RIMBP2: variants seen among roughly 807,000 people sequenced by gnomAD.
RIMBP2 encodes RIMS-binding protein 2.
RIMBP2 carries 48 observed loss-of-function variants against 118.6 expected under a neutral mutation model. That is an observed-to-expected ratio of 0.40 (90% confidence interval 0.32 to 0.51). The LOEUF (loss-of-function observed/expected upper bound fraction) is 0.51. RIMBP2 is among the 20% of genes least tolerant of loss of function. RIMBP2 has a pLI of 0.41. For synonymous variants in RIMBP2, 762 were observed against 742.9 expected, an observed-to-expected ratio of 1.03 and a Z score of -0.42; for missense variants, 1,551 against 1,768.3, an observed-to-expected ratio of 0.88 and a Z score of 2.20.
Position 130,683,598 on chromosome 12 carries a change from C to G in RIMBP2, c.-352+32624G>C, listed in dbSNP as rs2064902861. Among the ~76,000 whole-genome samples, 1 of 152,238 alleles carries G rather than the reference C, an allele frequency of 6.6e-6. No homozygotes were observed. Among genetic ancestry groups the G allele is most frequent in the Admixed American group, 6.5e-5 (1 of 15,300 alleles). ...GTCACTGGATGAGATAGGAGGTCGA[C>G]AAAAGACACAGGTCATAAAGACCTT... On this transcript the variant is annotated intron_variant, in intron 1 of 22. Coordinates refer to ENST00000690449, the MANE Select transcript of RIMBP2 (RefSeq NM_001393629.1). The surrounding 1 kb of genome is among the most constrained non-coding windows in gnomAD (Gnocchi z 4.4).
chr12:130,548,186 G>A (rs2055362613), intron 2 of RIMBP2, among the ~76,000 whole-genome samples: 1 of 152,180 alleles, frequency 6.6e-6, no homozygotes, highest in East Asian at 1.9e-4. Context: ...CTCGGGCCAT[G>A]AAGTTAAGAA....
At chr12:130,436,221 C>T (rs1266976206) in intron 13 of RIMBP2, among the ~76,000 whole-genome samples, 1 of 152,202 alleles carries the variant, frequency 6.6e-6, no homozygotes, top group Admixed American at 6.5e-5. Flanking sequence ...GTGTATCATC[C>T]GGAACATGCC....
In RIMBP2 at chr12:130,445,218, G is replaced by A. The variant is rs1032586474; in HGVS notation, c.633C>T (p.Leu211=). Residue 211 remains leucine, a synonymous_variant, in exon 10 of 23, where the codon CTC becomes CTT. Transcript: ENST00000690449. ...PNENPEAELP[L]TAGKYLYVYG... ...AGACGTAGAGGTATTTTCCCGCCGT[G>A]AGGGGCAGCTCAGCTTCGGGGTTCT... 1 of 1,613,390 alleles carries A rather than the reference G, an allele frequency of 6.2e-7. No individual in the cohort carries two copies. The highest frequency in any genetic ancestry group is 8.5e-7 in the Non-Finnish European group (1 of 1,179,806).
In RIMBP2 at chr12:130,544,206, C is replaced by A. The variant is rs149841824; in HGVS notation, c.-216-26289G>T. Among the ~76,000 whole-genome samples the A allele has an allele frequency of 8.6e-3, 1,309 of 152,250 alleles. 19 individuals carry two copies. The highest frequency in any genetic ancestry group is 0.03 in the African/African-American group (1,253 of 41,546). ...ACCCCTTTCACTTCCTGGCCACACACCCCACCCTCTCAATGTCCTGGAAGG... is the reference window on the plus strand; with the variant it reads ...ACCCCTTTCACTTCCTGGCCACACAACCCACCCTCTCAATGTCCTGGAAGG... On this transcript the variant is annotated intron_variant, in intron 2 of 22. Coordinates refer to ENST00000690449, the MANE Select transcript of RIMBP2 (RefSeq NM_001393629.1).
intron 2 of RIMBP2, among the ~76,000 whole-genome samples, chr12:130,596,984 T>C (rs1405465773): frequency 6.6e-6 from 1 of 152,220 alleles, no homozygotes; most frequent in Non-Finnish European, 1.5e-5. Flanking sequence ...ACTCCACAGA[T>C]AGTTTTGCTG....
At chr12:130,715,661 G>C (rs1336829997) in intron 1 of RIMBP2, among the ~76,000 whole-genome samples, 2 of 152,224 alleles carry the variant, frequency 1.3e-5, no homozygotes, top group African/African-American at 4.8e-5. Flanking sequence ...TCCATGGGAC[G>C]TGAATTGACA....
chr12:130,705,764 G>A (rs978923708), intron 1 of RIMBP2, among the ~76,000 whole-genome samples: 9 of 152,260 alleles, frequency 5.9e-5, no homozygotes, highest in Admixed American at 6.5e-5. Context: ...GGCAGGCCCA[G>A]TGCCCCAAGG....
chr12:130,440,971 C>G (rs2078071607), intron 11 of RIMBP2, among the ~76,000 whole-genome samples: 1 of 152,190 alleles, frequency 6.6e-6, no homozygotes, highest in Non-Finnish European at 1.5e-5. Flanking sequence ...TGTCCACACT[C>G]ACCCCACCTC....
intron 2 of RIMBP2, among the ~76,000 whole-genome samples, chr12:130,615,375 A>T (rs949327304): frequency 6.7e-6 from 1 of 150,308 alleles, no homozygotes; most frequent in Admixed American, 6.7e-5. Flanking sequence ...CAGTGGCATG[A>T]TCTCGGCTCA....
At chr12:130,435,904 C>T (rs936989381) in intron 13 of RIMBP2, among the ~76,000 whole-genome samples, 4 of 152,190 alleles carry the variant, frequency 2.6e-5, no homozygotes, top group African/African-American at 4.8e-5. Context: ...TCAGCATTGA[C>T]CTCTCACAGT....
At position 130,517,935 on chromosome 12, in the gene RIMBP2, G is replaced by A; in HGVS notation, c.-216-18C>T. On this transcript the variant is annotated intron_variant, in intron 2 of 22. Transcript: ENST00000690449. Reference sequence around the variant, plus strand: ...TCATTTTCCTAGGACAAAAGGAAAGGACATGTGAGATGGTGCCCCCATGTT... The same window carrying A: ...TCATTTTCCTAGGACAAAAGGAAAGAACATGTGAGATGGTGCCCCCATGTT... 5.2e-6 allele frequency: 5 copies of A among 952,650 alleles called. No individual in the cohort carries two copies. The highest frequency in any genetic ancestry group is 5.0e-6 in the Non-Finnish European group (4 of 799,550). The allele number at this position is 952,650 out of a possible 1,614,324, so 59.0% of individuals were successfully genotyped here. A position where few individuals can be genotyped will look rare whatever the true frequency, so the allele number is the denominator to read the frequency against.
At position 130,450,344 on chromosome 12, in the gene RIMBP2, A is replaced by T; in HGVS notation, c.505-68T>A. 1 of 1,221,194 alleles carries T rather than the reference A, an allele frequency of 8.2e-7. No individual in the cohort carries two copies. Among genetic ancestry groups the T allele is most frequent in the Non-Finnish European group, 1.2e-6 (1 of 842,494 alleles). The allele number at this position is 1,221,194 out of a possible 1,614,324, so 75.6% of individuals were successfully genotyped here. A position where few individuals can be genotyped will look rare whatever the true frequency, so the allele number is the denominator to read the frequency against. On this transcript the variant is annotated intron_variant, in intron 8 of 22. Coordinates refer to ENST00000690449, the MANE Select transcript of RIMBP2 (RefSeq NM_001393629.1). This position sits in a 1 kb window ranked among gnomAD's most constrained non-coding sequence, Gnocchi z 4.8. ...GTGTCCCACCCCATTCCCGCGGCAC[A>T]CGGGAAAGCCCCTCGCAGCTTCCTG...
At chr12:130,529,928 G>A (rs574844799) in intron 2 of RIMBP2, among the ~76,000 whole-genome samples, 18 of 152,206 alleles carry the variant, frequency 1.2e-4, no homozygotes, top group East Asian at 1.2e-3. Context: ...ATGCTTATTC[G>A]CCTGCTGTTC....
intron 2 of RIMBP2, among the ~76,000 whole-genome samples, chr12:130,573,484 C>T (rs910515957): frequency 6.6e-6 from 1 of 151,878 alleles, no homozygotes; most frequent in Non-Finnish European, 1.5e-5. Context: ...GTGTGAGGTG[C>T]GTGTGCTTAC....
At chr12:130,603,541 A>T (rs2059989983) in intron 2 of RIMBP2, among the ~76,000 whole-genome samples, 1 of 152,208 alleles carries the variant, frequency 6.6e-6, no homozygotes. Flanking sequence ...TTATGAAGAA[A>T]ATTTACATAA....
Position 130,436,823 on chromosome 12 carries a change from G to A in RIMBP2, c.2106+19C>T. 7.3e-7 allele frequency: 1 copy of A among 1,377,414 alleles called. No homozygotes were observed. Among genetic ancestry groups the A allele is most frequent in the Non-Finnish European group, 9.4e-7 (1 of 1,064,954 alleles). 85.3% of individuals were successfully genotyped at this position (1,377,414 alleles called of 1,614,324 possible). A position where few individuals can be genotyped will look rare whatever the true frequency, so the allele number is the denominator to read the frequency against. On this transcript the variant is annotated intron_variant, in intron 13 of 22. Transcript: ENST00000690449. ...GTTTGGGGACTGAGGAGCCACCGAG[G>A]CGGGAGCCCCAGCCTTACCCTGCTG...
intron 15 of RIMBP2, chr12:130,427,851 C>T (rs908941945): frequency 4.7e-5 from 10 of 214,602 alleles, no homozygotes; most frequent in Non-Finnish European, 7.3e-5. Flanking sequence ...CCGATTCTCT[C>T]GAGATGAGAC....
At chr12:130,432,297 C>G in intron 14 of RIMBP2, 1 of 456,578 alleles carries the variant, frequency 2.2e-6, no homozygotes, top group South Asian at 1.5e-5. Flanking sequence ...GACAAAAATT[C>G]TCAATTCTGT....
intron 2 of RIMBP2, among the ~76,000 whole-genome samples, chr12:130,579,190 C>G (rs1415922958): frequency 6.6e-6 from 1 of 152,126 alleles, no homozygotes; most frequent in Non-Finnish European, 1.5e-5. Flanking sequence ...GCTGGTTGTG[C>G]GATCTTGGAT....
Sources: allele counts gnomAD v4.1 joint callset (sites outside exome capture counted in the v4.1 genomes callset), GRCh38; gene constraint gnomAD v4.1.1; non-coding constraint Gnocchi (gnomAD v3.1); transcripts MANE v1.5; gene names NCBI Gene and HGNC (gene_info 2026-07-23, HGNC 2026-07-21).